Variants in CACHD1 observed in about 807,000 individuals in gnomAD.
CACHD1 encodes VWFA and cache domain-containing protein 1.
CACHD1 carries 71 observed loss-of-function variants against 138.7 expected under a neutral mutation model. The ratio of observed to expected loss-of-function variants is 0.51; its 90% CI spans 0.42 to 0.62. The LOEUF (loss-of-function observed/expected upper bound fraction) is 0.62. Among genes scored for constraint, CACHD1 ranks in the 20% least tolerant of loss-of-function variants. CACHD1 has a pLI of 0.00. For synonymous variants in CACHD1, 578 were observed against 591.5 expected (o/e 0.98, Z 0.33); for missense variants, 1,389 against 1,625.3 (o/e 0.85, Z 2.50).
At chr1:64,602,470 A>ATTTTTTT (rs10694627) in intron 3 of CACHD1, among the ~76,000 whole-genome samples, 38 of 125,182 alleles carry the variant, frequency 3.0e-4, no homozygotes, top group East Asian at 9.7e-4. Flanking sequence ...CTCCCATCTG[A>ATTTTTTT]TTTTTTTTTT....
chr1:64,576,351 A>C (rs1477280715), intron 2 of CACHD1, among the ~76,000 whole-genome samples: 1 of 152,116 alleles, frequency 6.6e-6, no homozygotes, highest in Non-Finnish European at 1.5e-5. Flanking sequence ...AAGGGTCTAC[A>C]TTGGCCCTTC....
At chr1:64,633,197 G>A (rs1054462970) in intron 6 of CACHD1, among the ~76,000 whole-genome samples, 7 of 152,244 alleles carry the variant, frequency 4.6e-5, no homozygotes, top group South Asian at 2.1e-4. Flanking sequence ...CCTGCCTATC[G>A]CTTTCTCACC....
intron 2 of CACHD1, among the ~76,000 whole-genome samples, chr1:64,555,200 G>A (rs1646787686): frequency 6.6e-6 from 1 of 151,854 alleles, no homozygotes; most frequent in South Asian, 2.1e-4. Flanking sequence ...CGTTGCCCAG[G>A]CTGGTCTTGA....
intron 6 of CACHD1, 112 bp downstream of exon 6, chr1:64,632,855 C>T: frequency 8.2e-7 from 1 of 1,216,218 alleles, no homozygotes; most frequent in Admixed American, 2.0e-5. Flanking sequence ...AATGGGGTTA[C>T]ATCCTGATAA....
intron 2 of CACHD1, among the ~76,000 whole-genome samples, chr1:64,553,288 A>G (rs779006677): frequency 3.9e-5 from 6 of 152,232 alleles, no homozygotes; most frequent in Non-Finnish European, 7.3e-5. Context: ...TTCTACAATG[A>G]GAACACAGAC....
Position 64,565,622 on chromosome 1 carries a change from C to T in CACHD1, c.261+14966C>T, listed in dbSNP as rs145003811. On this transcript the variant is annotated intron_variant, in intron 2 of 26. Coordinates refer to ENST00000651257, the MANE Select transcript of CACHD1 (RefSeq NM_020925.4). ...AGCCTCTTATCAAATCATTGTATTCCCTGTGAATAAAAGAGGCTGGTGGTC... is the reference window on the plus strand; with the variant it reads ...AGCCTCTTATCAAATCATTGTATTCTCTGTGAATAAAAGAGGCTGGTGGTC... Among the ~76,000 whole-genome samples the T allele has an allele frequency of 2.0e-4, 31 of 152,196 alleles. No individual in the cohort carries two copies. The East Asian group carries it at 5.4e-3, about 27-fold the overall frequency.
rs1379966309 is a variant in CACHD1 at position 64,653,872 on chromosome 1, A to G, written c.1655A>G (p.Asn552Ser). 1 of 1,613,132 alleles carries G rather than the reference A, an allele frequency of 6.2e-7. No homozygotes were observed. Among genetic ancestry groups the G allele is most frequent in the Admixed American group, 1.7e-5 (1 of 59,998 alleles). Residue 552 changes from asparagine (N) to serine (S), a missense_variant, in exon 11 of 27, where the codon AAT becomes AGT. Physicochemically the swap from Asn to Ser is conservative, Grantham distance 46 (BLOSUM62 1). Around this residue, in one of 5 missense-constraint regions of CACHD1, gnomAD observed 1,000 missense variants for 1,114.7 expected, o/e 0.90. Coordinates refer to ENST00000651257, the MANE Select transcript of CACHD1 (RefSeq NM_020925.4). ...CCAAAATTTGAATTAGTTCGGCAAA[A>G]TATCCTAAGGTAAGGAAAAGGTGAG... Reference protein sequence around the residue: ...NIPKFELVRQNILSLPLGSQI... With the variant: ...NIPKFELVRQSILSLPLGSQI...
chr1:64,556,810 T>A lies in CACHD1; in HGVS notation c.261+6154T>A, dbSNP rs1176199003. On this transcript the variant is annotated intron_variant, in intron 2 of 26. Coordinates refer to ENST00000651257, the MANE Select transcript of CACHD1 (RefSeq NM_020925.4). The stretch of plus-strand genomic sequence containing the variant: ...AACTATGGCAACAGCCTTGGAAAAA[T>A]TAAAATTCCACGCACACATTCTTGT... 3.9e-5 allele frequency among the ~76,000 whole-genome samples: 6 copies of A among 152,104 alleles called. No individual in the cohort carries two copies. In the East Asian group the frequency reaches 1.2e-3, roughly 29 times the overall value.
intron 1 of CACHD1, among the ~76,000 whole-genome samples, chr1:64,527,433 G>A (rs1173803079): frequency 1.3e-5 from 2 of 152,180 alleles, no homozygotes; most frequent in African/African-American, 4.8e-5. Flanking sequence ...CGTTTCTTCG[G>A]GGAGTCTTGT....
At chr1:64,579,879 G>T (rs1042504150) in intron 2 of CACHD1, 10 of 152,446 alleles carry the variant, frequency 6.6e-5, no homozygotes, top group African/African-American at 2.4e-4. Flanking sequence ...GAGACTGTAT[G>T]TCCTAACAGT....
intron 8 of CACHD1, among the ~76,000 whole-genome samples, chr1:64,642,610 A>G (rs1185995974): frequency 1.3e-5 from 2 of 152,144 alleles, no homozygotes; most frequent in African/African-American, 4.8e-5. Context: ...CTGCTATTCA[A>G]CCTGTCCGCT....
chr1:64,639,728 C>T (rs896836454), intron 7 of CACHD1, among the ~76,000 whole-genome samples: 4 of 152,120 alleles, frequency 2.6e-5, no homozygotes, highest in Non-Finnish European at 4.4e-5. Context: ...GTGTCTTCAC[C>T]ATTAGGATAA....
chr1:64,593,368 CA>C (rs1312495196), intron 3 of CACHD1, among the ~76,000 whole-genome samples: 1 of 152,136 alleles, frequency 6.6e-6, no homozygotes, highest in Non-Finnish European at 1.5e-5. Context: ...TAAGGTAGTG[CA>C]CATGGAAAAT....
intron 1 of CACHD1, among the ~76,000 whole-genome samples, chr1:64,475,171 CT>C (rs3078373): frequency 0.014 from 1,736 of 124,242 alleles, 14 homozygotes; most frequent in African/African-American, 0.032. Flanking sequence ...AAATTCCTTC[CT>C]TTTTTTTTTT....
At chr1:64,680,206 C>T (rs997670393) in intron 24 of CACHD1, among the ~76,000 whole-genome samples, 10 of 152,236 alleles carry the variant, frequency 6.6e-5, no homozygotes, top group South Asian at 2.1e-4. Context: ...CAGGATAAGT[C>T]GGCCAATCGC....
chr1:64,662,793 A>G (rs1649485569), intron 13 of CACHD1, among the ~76,000 whole-genome samples: 1 of 152,230 alleles, frequency 6.6e-6, no homozygotes, highest in Non-Finnish European at 1.5e-5. Flanking sequence ...ATAATGAAAC[A>G]TGTATACATT....
At position 64,681,236 on chromosome 1, in the gene CACHD1, C is replaced by T. The variant is rs553383808; in HGVS notation, c.3407-22C>T. On this transcript the variant is annotated intron_variant, in intron 24 of 26. Transcript: ENST00000651257. The stretch of plus-strand genomic sequence containing the variant: ...TTTGTTTGATTAAATAGTCATGTTT[C>T]TCTCTTTTTAATGATGGGTAGAAAT... 2.3e-5 allele frequency: 37 copies of T among 1,591,584 alleles called. No individual in the cohort carries two copies. In the South Asian group the frequency reaches 3.6e-4, roughly 16 times the overall value.
intron 4 of CACHD1, among the ~76,000 whole-genome samples, chr1:64,625,971 C>T (rs569519837): frequency 6.6e-6 from 1 of 152,114 alleles, no homozygotes; most frequent in Non-Finnish European, 1.5e-5. Flanking sequence ...TTGCTAGAGT[C>T]GAGTCTCCAT....
chr1:64,550,322 G>A (rs1646749120), intron 1 of CACHD1, among the ~76,000 whole-genome samples: 1 of 152,006 alleles, frequency 6.6e-6, no homozygotes, highest in South Asian at 2.1e-4. Flanking sequence ...AAAATGGCAT[G>A]GACTCCAGAA....
Sources: allele counts gnomAD v4.1 joint callset (sites outside exome capture counted in the v4.1 genomes callset), GRCh38; gene constraint gnomAD v4.1.1; regional missense constraint gnomAD v4.1.1; transcripts MANE v1.5; gene names NCBI Gene and HGNC (gene_info 2026-07-23, HGNC 2026-07-21).